Variants in PLCL2 observed in about 807,000 individuals in gnomAD.
The protein encoded by PLCL2 is phospholipase C like 2, also known as inactive phospholipase C-like protein 2.
In PLCL2, 4 loss-of-function variants were observed where a neutral mutation model predicts 79.6. The observed-to-expected ratio is 0.05, with a 90% CI of 0.02 to 0.11. The LOEUF is 0.11. Among genes scored for constraint, PLCL2 ranks in the 10% least tolerant of loss-of-function variants. PLCL2 has a pLI of 1.00. For synonymous variants in PLCL2, 484 were observed against 457.7 expected (o/e 1.06, Z -0.73); for missense variants, 895 against 1,291.0 (o/e 0.69, Z 4.70).
chr3:17,077,265 AC>A (rs761301276), intron 5 of PLCL2, among the ~76,000 whole-genome samples: 1 of 152,130 alleles, frequency 6.6e-6, no homozygotes, highest in Non-Finnish European at 1.5e-5. Flanking sequence ...TGCCAGCCAC[AC>A]TTCCAACTTT....
At position 17,011,150 on chromosome 3, in the gene PLCL2, G is replaced by A; in HGVS notation, c.1804G>A (p.Glu602Lys). Residue 602 changes from glutamate to lysine, a missense_variant, in exon 2 of 6, where the codon GAG (glutamate) becomes AAG (lysine). By Grantham distance (56) the Glu-to-Lys change is moderately conservative. Transcript: ENST00000615277. The surrounding 1 kb of genome is among the most constrained non-coding windows in gnomAD (Gnocchi z 7.9). ...MSQRMGKENMEQPNNVPVKRF... is the reference protein window; with the variant it reads ...MSQRMGKENMKQPNNVPVKRF... ...TCAGAGGATGGGAAAAGAGAACATG[G>A]AGCAACCCAATAATGTGCCTGTGAA... The A allele has an allele frequency of 3.7e-6, 6 of 1,614,122 alleles. No individual in the cohort carries two copies. The highest frequency in any genetic ancestry group is 5.1e-6 in the Non-Finnish European group (6 of 1,180,004).
At chr3:16,927,591 G>T (rs1203183661) in intron 1 of PLCL2, among the ~76,000 whole-genome samples, 1 of 152,178 alleles carries the variant, frequency 6.6e-6, no homozygotes, top group African/African-American at 2.4e-5. Flanking sequence ...CTAGCACAGG[G>T]TTTCTCAGCC....
intron 1 of PLCL2, among the ~76,000 whole-genome samples, chr3:16,910,607 G>A (rs146367499): frequency 1.1e-4 from 16 of 151,774 alleles, no homozygotes; most frequent in East Asian, 1.9e-4. Context: ...TTCTCATCCC[G>A]TCTTGTGGCT....
intron 1 of PLCL2, among the ~76,000 whole-genome samples, chr3:16,895,572 T>G (rs1217811907): frequency 6.6e-6 from 1 of 152,216 alleles, no homozygotes; most frequent in African/African-American, 2.4e-5. Context: ...ACACATAAAG[T>G]CCTTATATAC....
intron 1 of PLCL2, among the ~76,000 whole-genome samples, chr3:16,977,915 A>G (rs1282007906): frequency 5.9e-5 from 9 of 152,204 alleles, no homozygotes; most frequent in Middle Eastern, 3.2e-3. Flanking sequence ...GCATCCTCAC[A>G]TGGTGGAAGG....
At chr3:17,024,652 T>C (rs1300101639) in intron 3 of PLCL2, among the ~76,000 whole-genome samples, 4 of 152,178 alleles carry the variant, frequency 2.6e-5, no homozygotes, top group African/African-American at 9.7e-5. Context: ...TGTGTGGTAA[T>C]TTGTATGTCT....
chr3:17,069,383 T>A (rs2124944268), intron 5 of PLCL2, among the ~76,000 whole-genome samples: 1 of 152,296 alleles, frequency 6.6e-6, no homozygotes, highest in South Asian at 2.1e-4. Flanking sequence ...TAAATTTTAG[T>A]CTTCTCTGGT....
Position 17,011,955 on chromosome 3 carries a change from C to T in PLCL2, c.2609C>T (p.Ala870Val). The T allele has an allele frequency of 6.2e-7, 1 of 1,614,116 alleles. No homozygotes were observed. Among genetic ancestry groups the T allele is most frequent in the Non-Finnish European group, 8.5e-7 (1 of 1,179,970 alleles). The stretch of plus-strand genomic sequence containing the variant: ...CAGTCCTTAACTGGAGAGGTCCTTG[C>T]ACATGCTTCTTTATTTGTCCACGTG... ...PLQSLTGEVL[A>V]HASLFVHVAI... is the part of the protein sequence containing the mutation. The change falls in exon 2 of 6, where the codon GCA (alanine) becomes GTA (valine). Residue 870 changes from alanine to valine, a missense_variant. Around this residue, in one of 6 missense-constraint regions of PLCL2, gnomAD observed 298 missense variants for 459.6 expected, o/e 0.65. Coordinates refer to ENST00000615277, the MANE Select transcript of PLCL2 (RefSeq NM_001144382.2). This position sits in a 1 kb window ranked among gnomAD's most constrained non-coding sequence, Gnocchi z 7.9.
In PLCL2 at chr3:17,035,456, C is replaced by T. The variant is rs1047807669; in HGVS notation, c.3019-7418C>T. On this transcript the variant is annotated intron_variant, in intron 3 of 5. Transcript: ENST00000615277. ...ATCTTGGCTCTTCCTTCTGTGCCCA[C>T]AGCAAATCAGCCTTGGAGTCCTCCT... 2.0e-5 allele frequency among the ~76,000 whole-genome samples: 3 copies of T among 152,106 alleles called. No individual in the cohort carries two copies. In the East Asian group the frequency reaches 5.8e-4, roughly 29 times the overall value.
chr3:16,901,847 C>T (rs1423357677), intron 1 of PLCL2, among the ~76,000 whole-genome samples: 2 of 152,206 alleles, frequency 1.3e-5, no homozygotes, highest in Non-Finnish European at 2.9e-5. Context: ...TGATCTCTTT[C>T]TGCATTTGCT....
intron 1 of PLCL2, among the ~76,000 whole-genome samples, chr3:16,930,929 T>G (rs2124942399): frequency 6.6e-6 from 1 of 152,310 alleles, no homozygotes; most frequent in South Asian, 2.1e-4. Context: ...CTACTCCATT[T>G]TCCAAGATGA....
chr3:17,084,483 A>G (rs1192784990), intron 5 of PLCL2, among the ~76,000 whole-genome samples: 2 of 152,214 alleles, frequency 1.3e-5, no homozygotes, highest in East Asian at 1.9e-4. Flanking sequence ...AAGAAAAGAA[A>G]ACAATAGACC....
At chr3:16,912,032 G>A (rs1696893570) in intron 1 of PLCL2, among the ~76,000 whole-genome samples, 1 of 152,060 alleles carries the variant, frequency 6.6e-6, no homozygotes, top group African/African-American at 2.4e-5. Flanking sequence ...GTCTCATTAG[G>A]TATATGCAAA....
intron 1 of PLCL2, among the ~76,000 whole-genome samples, chr3:16,981,121 C>CT (rs1447781984): frequency 2.0e-5 from 3 of 150,356 alleles, no homozygotes; most frequent in Admixed American, 6.6e-5. Flanking sequence ...CAGAGGGAGA[C>CT]CGTGGAAAGA....
rs76096980 is a variant in PLCL2 at position 16,997,507 on chromosome 3, C to T, written c.328-12167C>T. Among the ~76,000 whole-genome samples the T allele has an allele frequency of 1.5e-3, 226 of 151,524 alleles. 1 individual carries two copies. The highest frequency in any genetic ancestry group is 5.2e-3 in the African/African-American group (215 of 41,352). ...TTATTTTTCCAATCTAATTGTCCCCCTCCACATACACATTAATTTCTTTTC... is the reference window on the plus strand; with the variant it reads ...TTATTTTTCCAATCTAATTGTCCCCTTCCACATACACATTAATTTCTTTTC... On this transcript the variant is annotated intron_variant, in intron 1 of 5. Transcript: ENST00000615277.
At chr3:16,961,996 G>A (rs1482688945) in intron 1 of PLCL2, among the ~76,000 whole-genome samples, 1 of 152,158 alleles carries the variant, frequency 6.6e-6, no homozygotes, top group Non-Finnish European at 1.5e-5. Context: ...CTCCTGCCGG[G>A]AGGAATCTGG....
chr3:17,071,655 T>C (rs1020386925), intron 5 of PLCL2, among the ~76,000 whole-genome samples: 3 of 152,122 alleles, frequency 2.0e-5, no homozygotes, highest in African/African-American at 7.2e-5. Context: ...TTTCACACTT[T>C]CGGTATGTTT....
intron 1 of PLCL2, among the ~76,000 whole-genome samples, chr3:16,885,740 G>A (rs940017054): frequency 1.2e-4 from 19 of 152,302 alleles, no homozygotes; most frequent in Middle Eastern, 3.4e-3. Context: ...GGGATTATGT[G>A]AAATGTGAGA....
chr3:17,061,942 A>T (rs1415069413), intron 4 of PLCL2, among the ~76,000 whole-genome samples: 3 of 152,196 alleles, frequency 2.0e-5, no homozygotes, highest in Admixed American at 6.5e-5. Context: ...TTGATGACCT[A>T]CTATTTATAC....
Sources: allele counts gnomAD v4.1 joint callset (sites outside exome capture counted in the v4.1 genomes callset), GRCh38; gene constraint gnomAD v4.1.1; regional missense constraint gnomAD v4.1.1; non-coding constraint Gnocchi (gnomAD v3.1); transcripts MANE v1.5; gene names NCBI Gene and HGNC (gene_info 2026-07-23, HGNC 2026-07-21).